The following RGP1 variants were observed in gnomAD, a reference collection of about 807,000 sequenced individuals.
RGP1 encodes the protein RGP1 partner of RAB6A GEF complex, also known as RAB6A-GEF complex partner protein 2.
Under a neutral mutation model 44.5 loss-of-function variants are expected in RGP1, and 28 were observed. The observed-to-expected ratio is 0.63, with a 90% confidence interval of 0.47 to 0.86. The LOEUF (loss-of-function observed/expected upper bound fraction) is 0.86, where lower values mean the gene tolerates loss of function less well. Among genes scored for constraint, RGP1 ranks in the 40% least tolerant of loss-of-function variants. The probability of loss-of-function intolerance (pLI) is 0.00; values close to 1 mark genes in which losing one functional copy is unlikely to be tolerated. For synonymous variants in RGP1, 212 were observed against 196.7 expected (o/e 1.08, Z -0.65); for missense variants, 417 against 490.7 (o/e 0.85, Z 1.42).
chr9:35,775,294 C>A, the RGP1 span, among the ~76,000 whole-genome samples: 1 of 152,164 alleles, frequency 6.6e-6, no homozygotes, highest in African/African-American at 2.4e-5. Flanking sequence ...AGAAGCCTTT[C>A]AAGGGAAGGT....
Position 35,751,616 on chromosome 9 carries a change from A to G in RGP1, c.635-11A>G. ...GTAGACTCCAGGCTTATAGTGTCCT[A>G]TTCTCCCCAGATCTATACAATATCA... On this transcript the variant is annotated splice_polypyrimidine_tract_variant and intron_variant, in intron 6 of 8. Coordinates refer to ENST00000378078, the MANE Select transcript of RGP1 (RefSeq NM_001080496.3). 4 of 1,613,846 alleles carry G rather than the reference A, an allele frequency of 2.5e-6. No homozygotes were observed. Among genetic ancestry groups the G allele is most frequent in the Admixed American group, 1.7e-5 (1 of 60,016 alleles).
chr9:35,764,871 A>G, the RGP1 span, among the ~76,000 whole-genome samples: 1 of 152,196 alleles, frequency 6.6e-6, no homozygotes, highest in South Asian at 2.1e-4. Flanking sequence ...CACTCCTATA[A>G]TCCCAGCACT....
At position 35,755,332 on chromosome 9, in the gene RGP1, CT is replaced by C. The variant is rs1827343185; in HGVS notation, c.*2459del. The C allele has an allele frequency of 6.6e-6, 1 of 152,246 alleles. No homozygotes were observed. Among genetic ancestry groups the C allele is most frequent in the African/African-American group, 2.4e-5 (1 of 41,436 alleles). The allele number at this position is 152,246 out of a possible 1,614,324, so 9.4% of individuals were successfully genotyped here. ...GCAGTTGCTGTGATTGGGGCTAAAG[CT>C]CTGAGGCAAAATGGGCGACATTATT... On this transcript the variant is annotated 3_prime_UTR_variant, in exon 9 of 9. Coordinates refer to ENST00000378078, the MANE Select transcript of RGP1 (RefSeq NM_001080496.3).
the RGP1 span, among the ~76,000 whole-genome samples, chr9:35,772,568 C>T: frequency 0.023 from 3,495 of 151,774 alleles, 138 homozygotes; most frequent in African/African-American, 0.081. Flanking sequence ...CCGAGGCAGG[C>T]GGATCATGAG....
chr9:35,778,290 G>A, the RGP1 span, among the ~76,000 whole-genome samples: 3 of 152,046 alleles, frequency 2.0e-5, no homozygotes, highest in Admixed American at 6.6e-5. Flanking sequence ...CAACAAGAGC[G>A]AAATTCTGTG....
downstream of RGP1, among the ~76,000 whole-genome samples, chr9:35,761,624 T>C (rs529519089): frequency 1.3e-5 from 2 of 152,102 alleles, no homozygotes; most frequent in East Asian, 3.9e-4. Context: ...CAGTGAGCCA[T>C]GATTGTGCCA....
downstream of RGP1, among the ~76,000 whole-genome samples, chr9:35,762,572 A>G (rs969420943): frequency 2.0e-5 from 3 of 152,164 alleles, no homozygotes; most frequent in Non-Finnish European, 4.4e-5. Context: ...TATTAAATTC[A>G]TTATTATTTT....
At chr9:35,760,256 G>A (rs185297280), downstream of RGP1, among the ~76,000 whole-genome samples, 46 of 152,156 alleles carry the variant, frequency 3.0e-4, no homozygotes, top group East Asian at 7.3e-3. Context: ...GCTGATGGGC[G>A]GGGTGGGGGG....
rs906718578 is a variant in RGP1 at position 35,755,263 on chromosome 9, C to T, written c.*2389C>T. 5 of 152,210 alleles carry T rather than the reference C, an allele frequency of 3.3e-5. No individual in the cohort carries two copies. The highest frequency in any genetic ancestry group is 1.2e-4 in the African/African-American group (5 of 41,450). The allele number at this position is 152,210 out of a possible 1,614,324, so 9.4% of individuals were successfully genotyped here. ...ATGAGGATTACTGAGATAATGCGTG[C>T]AGTGCTCTTATCACCATCTCTGGTG... On this transcript the variant is annotated 3_prime_UTR_variant, in exon 9 of 9. Transcript: ENST00000378078.
chr9:35,765,486 A>G, the RGP1 span, among the ~76,000 whole-genome samples: 1 of 151,940 alleles, frequency 6.6e-6, no homozygotes, highest in Non-Finnish European at 1.5e-5. Context: ...GTGAAACCCC[A>G]TCTCTACAAA....
At chr9:35,773,237 A>C in the RGP1 span, among the ~76,000 whole-genome samples, 5 of 151,960 alleles carry the variant, frequency 3.3e-5, no homozygotes, top group Admixed American at 6.6e-5. Context: ...AAAAATAAAA[A>C]ACAAATAGCC....
Position 35,750,257 on chromosome 9 carries a change from G to C in RGP1, c.131G>C (p.Trp44Ser). Residue 44 changes from tryptophan (W) to serine (S), a missense_variant, in exon 3 of 9, where the codon TGG becomes TCG. Coordinates refer to ENST00000378078, the MANE Select transcript of RGP1 (RefSeq NM_001080496.3). Reference sequence around the variant, plus strand: ...TTTTCCCACAGTGAGGCCCTGGCCTGGGCCAGTGCCCAAATCCACTGCCAG... The same window carrying C: ...TTTTCCCACAGTGAGGCCCTGGCCTCGGCCAGTGCCCAAATCCACTGCCAG... ...ATSASSEALAWASAQIHCQFH... is the reference protein window; with the variant it reads ...ATSASSEALASASAQIHCQFH... 2 of 1,613,646 alleles carry C rather than the reference G, an allele frequency of 1.2e-6. No individual in the cohort carries two copies. Among genetic ancestry groups the C allele is most frequent in the Non-Finnish European group, 8.5e-7 (1 of 1,179,730 alleles).
rs1207974484 is a variant in RGP1, at chr9:35,757,304, A to G, written c.*4430A>G. 1 of 152,480 alleles carries G rather than the reference A, an allele frequency of 6.6e-6. No individual in the cohort carries two copies. The highest frequency in any genetic ancestry group is 1.9e-4 in the East Asian group (1 of 5,180). 9.4% of individuals were successfully genotyped at this position (152,480 alleles called of 1,614,324 possible). On this transcript the variant is annotated 3_prime_UTR_variant, in exon 9 of 9. Transcript: ENST00000378078. ...GGTTTCTGGGAGCAGAGGGTCACTT[A>G]GTGGGCTTCTGTCGTGGTGTCGCTA...
At chr9:35,758,734 C>G (rs1827392348), downstream of RGP1, among the ~76,000 whole-genome samples, 1 of 152,140 alleles carries the variant, frequency 6.6e-6, no homozygotes, top group Admixed American at 6.5e-5. Context: ...CACCGACTTC[C>G]TCTACTATAA....
At chr9:35,771,066 T>G in the RGP1 span, among the ~76,000 whole-genome samples, 167 of 152,308 alleles carry the variant, frequency 1.1e-3, no homozygotes, top group African/African-American at 3.3e-3. Context: ...GAACTTAATT[T>G]TTTTCTCTGT....
chr9:35,772,192 A>C, the RGP1 span: 1 of 152,258 alleles, frequency 6.6e-6, no homozygotes. Context: ...AGGTGACGGC[A>C]TGGTTATGGA....
chr9:35,749,868 C>CCCCACCTGGATG lies in RGP1; in HGVS notation c.114_115insCCACCTGGATGC (p.Ser38_Ser39insProProGlyCys). The CCCCACCTGGATG allele has an allele frequency of 6.2e-7, 1 of 1,608,134 alleles. No individual in the cohort carries two copies. The highest frequency in any genetic ancestry group is 8.5e-7 in the Non-Finnish European group (1 of 1,175,430). ...CTTCCGCCCACGGCCACTTCTGCAT[C>CCCCACCTGGATG]CAGGTGGGGATGCTGGCACTGAAGG... On this transcript the variant is annotated inframe_insertion, in exon 2 of 9. Coordinates refer to ENST00000378078, the MANE Select transcript of RGP1 (RefSeq NM_001080496.3). The surrounding 1 kb of genome is among the most constrained non-coding windows in gnomAD (Gnocchi z 4.4).
the RGP1 span, among the ~76,000 whole-genome samples, chr9:35,789,962 T>C: frequency 6.6e-6 from 1 of 152,246 alleles, no homozygotes; most frequent in African/African-American, 2.4e-5. Context: ...ACAATATATT[T>C]ATATGATCCT....
Position 35,749,444 on chromosome 9 carries a change from A to C in RGP1, c.-20+36A>C, listed in dbSNP as rs1292740224. ...GCGGTGATCTTGGGCTGGGACGTGG[A>C]ACTTTGAGGAAAGGGGGAGCGGAGG... On this transcript the variant is annotated intron_variant, in intron 1 of 8. Coordinates refer to ENST00000378078, the MANE Select transcript of RGP1 (RefSeq NM_001080496.3). This position sits in a 1 kb window ranked among gnomAD's most constrained non-coding sequence, Gnocchi z 4.4. 1 of 598,508 alleles carries C rather than the reference A, an allele frequency of 1.7e-6. No homozygotes were observed. The allele number at this position is 598,508 out of a possible 1,614,324, so 37.1% of individuals were successfully genotyped here.
Sources: gnomAD v4.1 joint callset for allele counts (sites outside exome capture counted in the v4.1 genomes callset) on GRCh38, gnomAD v4.1.1 for gene constraint, Gnocchi (gnomAD v3.1) non-coding constraint, MANE v1.5 for transcripts, NCBI Gene and HGNC (gene_info 2026-07-23, HGNC 2026-07-21) for gene names.